The following PTX4 variants were observed in gnomAD, a reference collection of about 807,000 sequenced individuals.
PTX4 encodes pentraxin-4.
In PTX4, 23 loss-of-function variants were observed where a neutral mutation model predicts 19.1. The ratio of observed to expected loss-of-function variants is 1.20; its 90% CI spans 0.87 to 1.70. The LOEUF (loss-of-function observed/expected upper bound fraction) is 1.70, where lower values mean the gene tolerates loss of function less well. Among genes scored for constraint, PTX4 ranks in the 40% most tolerant of loss-of-function variants. The pLI is 0.00. For missense variants in PTX4, 678 were observed against 610.5 expected (o/e 1.11, Z -1.17); for synonymous variants, 317 against 279.6 (o/e 1.13, Z -1.33).
Position 1,487,824 on chromosome 16 carries a change from C to G in PTX4, c.288G>C (p.Ser96=), listed in dbSNP as rs142629286. The change falls in exon 2 of 3, where the codon TCG becomes TCC. Residue 96 remains serine (S), a synonymous_variant. Coordinates refer to ENST00000447419, the MANE Select transcript of PTX4 (RefSeq NM_001328608.2). ...VAQAVNRSQA[S]VQGELAQLKA... ...TGAGCTGCGCCAGCTCCCCCTGCAC[C>G]GAGGCCTGTGACCGGTTGACTGCCT... The G allele has an allele frequency of 6.2e-7, 1 of 1,613,034 alleles. No individual in the cohort carries two copies. The highest frequency in any genetic ancestry group is 8.5e-7 in the Non-Finnish European group (1 of 1,179,942).
Position 1,487,664 on chromosome 16 carries a change from G to GGGCGT in PTX4, c.443_447dup (p.Leu150ThrfsTer57), listed in dbSNP as rs747497123. The GGGCGT allele has an allele frequency of 1.1e-5, 17 of 1,601,202 alleles. No individual in the cohort carries two copies. In the South Asian group the frequency reaches 1.9e-4, roughly 18 times the overall value. ...TCCAGGCGTGCCAGTGAGTCCTGCA[G>GGGCGT]GGCGTCCCTCTGGGCCTTGTGTGCC... On this transcript the variant is annotated frameshift_variant, in exon 2 of 3. Transcript: ENST00000447419. LOFTEE classifies it high-confidence loss of function.
Position 1,487,570 on chromosome 16 carries a change from C to T in PTX4, c.542G>A (p.Gly181Asp). ...CAGGGCCGGCCCGAGGGCTGCAGTGCCAGGGTGGGCCACGGGCAGCCGCCC... is the reference window on the plus strand; with the variant it reads ...CAGGGCCGGCCCGAGGGCTGCAGTGTCAGGGTGGGCCACGGGCAGCCGCCC... ...LEGRLPVAHP[G>D]TAALGPALVP... The change falls in exon 2 of 3, where the codon GGC (glycine) becomes GAC (aspartate). Residue 181 changes from glycine (G) to aspartate (D), a missense_variant. Gly to Asp is a moderately conservative substitution (Grantham distance 94, BLOSUM62 -1). Coordinates refer to ENST00000447419, the MANE Select transcript of PTX4 (RefSeq NM_001328608.2). 6.5e-7 allele frequency: 1 copy of T among 1,545,440 alleles called. No homozygotes were observed. The highest frequency in any genetic ancestry group is 8.7e-7 in the Non-Finnish European group (1 of 1,146,096).
At position 1,488,820 on chromosome 16, in the gene PTX4, T is replaced by C. The variant is rs552968847; in HGVS notation, c.90A>G (p.Pro30=). The change falls in exon 1 of 3, where the codon CCA becomes CCG. Residue 30 remains proline, a synonymous_variant. Coordinates refer to ENST00000447419, the MANE Select transcript of PTX4 (RefSeq NM_001328608.2). ...CGAAAAACGGTTTCCTGGGCCCCAC[T>C]GGGGCGGCTTCCTGCGATGAAGCCC... The part of the protein sequence containing the change: ...LHGASSQEAA[P]VGPRKPFFER... 327 of 702,540 alleles carry C rather than the reference T, an allele frequency of 4.7e-4. 5 individuals are homozygous for C. The highest frequency in any genetic ancestry group is 3.4e-3 in the South Asian group (231 of 67,580). 43.5% of individuals were successfully genotyped at this position (702,540 alleles called of 1,614,324 possible).
At chr16:1,486,657 C>T (rs2039249332) in intron 2 of PTX4, 78 bp from the exon 3 acceptor site, 1 of 1,423,264 alleles carries the variant, frequency 7.0e-7, no homozygotes, top group Non-Finnish European at 9.4e-7. Context: ...GCTGTGGGTG[C>T]CTGGCCTCCC....
chr16:1,487,847 C>A lies in PTX4; in HGVS notation c.265G>T (p.Ala89Ser), dbSNP rs772466596. The A allele has an allele frequency of 9.3e-6, 15 of 1,613,138 alleles. 1 individual carries two copies. The South Asian group carries it at 1.6e-4, about 18-fold the overall frequency. The change falls in exon 2 of 3, where the codon GCA (alanine) becomes TCA (serine). Residue 89 changes from alanine to serine, a missense_variant. By Grantham distance (99) the Ala-to-Ser change is moderately conservative. Transcript: ENST00000447419. ...ACCGAGGCCTGTGACCGGTTGACTG[C>A]CTGAGCCACAGCCTGGCTCTCTTCC... The part of the protein sequence containing the change: ...LAEESQAVAQ[A>S]VNRSQASVQG...
At chr16:1,488,552 A>G (rs2039271769) in intron 1 of PTX4, 1 of 1,215,872 alleles carries the variant, frequency 8.2e-7, no homozygotes, top group Non-Finnish European at 1.2e-6. Context: ...TGACCCCCAC[A>G]TGTTATGAGG....
intron 2 of PTX4, among the ~76,000 whole-genome samples, chr16:1,486,909 G>T (rs984143048): frequency 3.3e-5 from 5 of 152,160 alleles, no homozygotes; most frequent in African/African-American, 1.2e-4. Context: ...ACTCACAACA[G>T]CGCAGGTTTA....
At chr16:1,488,374 G>C (rs780559425) in intron 1 of PTX4, 2 of 1,613,748 alleles carry the variant, frequency 1.2e-6, no homozygotes, top group African/African-American at 2.7e-5. Flanking sequence ...ACAGCACTCC[G>C]GAACTGTCCG....
chr16:1,487,512 G>A lies in PTX4; in HGVS notation c.600C>T (p.Gly200=). 6.6e-7 allele frequency: 1 copy of A among 1,512,224 alleles called. No homozygotes were observed. Among genetic ancestry groups the A allele is most frequent in the Non-Finnish European group, 8.8e-7 (1 of 1,131,722 alleles). The allele number at this position is 1,512,224 out of a possible 1,614,324, so 93.7% of individuals were successfully genotyped here. A position where few individuals can be genotyped will look rare whatever the true frequency, so the allele number is the denominator to read the frequency against. Residue 200 remains glycine (G), a synonymous_variant, in exon 2 of 3, where the codon GGC becomes GGT. Transcript: ENST00000447419. ...CCCTCTGAAGCTTCAGGGAGGTCGG[G>A]CCCAGCTCCTCAGGCTGGGTTGGGG... ...VPTPTQPEEL[G]PTSLKLQRDR...
chr16:1,486,099 C>T lies in PTX4; in HGVS notation c.1277G>A (p.Gly426Asp). 6.2e-7 allele frequency: 1 copy of T among 1,614,220 alleles called. No individual in the cohort carries two copies. The change falls in exon 3 of 3, where the codon GGC (glycine) becomes GAC (aspartate). Residue 426 changes from glycine to aspartate, a missense_variant. Physicochemically the swap from Gly to Asp is moderately conservative, Grantham distance 94. Coordinates refer to ENST00000447419, the MANE Select transcript of PTX4 (RefSeq NM_001328608.2). ...SSEAFVGSMS[G>D]LAIWDRALVP... ...CAGCGCCCGATCCCAGATAGCCAAG[C>T]CAGACATGCTCCCCACGAAGGCCTC...
intron 2 of PTX4, 141 bp downstream of exon 2, chr16:1,487,175 A>ACC: frequency 2.7e-6 from 2 of 750,096 alleles, no homozygotes; most frequent in Non-Finnish European, 3.8e-6. Flanking sequence ...ACGGTGGGCC[A>ACC]CCCCCCCCGA....
chr16:1,485,972 C>T lies in PTX4; in HGVS notation c.1404G>A (p.Gly468=), dbSNP rs1276987202. 5.6e-6 allele frequency: 9 copies of T among 1,610,902 alleles called. No homozygotes were observed. Among genetic ancestry groups the T allele is most frequent in the Non-Finnish European group, 7.6e-6 (9 of 1,179,684 alleles). ...AGCGTTCCAGGCAGGTGCAGTTGGC[C>T]CCCTGCACAAATCCGCCTGCTAGTG... ...NAALAGGFVQ[G]ANCTCLERCP The change falls in exon 3 of 3, where the codon GGG becomes GGA. Residue 468 remains glycine, a synonymous_variant. Transcript: ENST00000447419.
intron 2 of PTX4, 124 bp downstream of exon 2, chr16:1,487,192 G>A (rs916834009): frequency 9.4e-6 from 9 of 955,774 alleles, no homozygotes; most frequent in African/African-American, 5.1e-5. Flanking sequence ...CCGATGATCC[G>A]AGACCCTCTC....
intron 1 of PTX4, among the ~76,000 whole-genome samples, chr16:1,488,181 G>A (rs1035263992): frequency 3.3e-5 from 5 of 152,228 alleles, no homozygotes; most frequent in African/African-American, 1.2e-4. Context: ...GCTGCACCAC[G>A]TGGGGTGTGG....
In PTX4 at chr16:1,488,404, C is replaced by T. The variant is rs763643714; in HGVS notation, c.141+365G>A. 5.0e-6 allele frequency: 8 copies of T among 1,613,590 alleles called. No individual in the cohort carries two copies. The Admixed American group carries it at 5.0e-5, about 10-fold the overall frequency. ...TGTCCGTGGACCCCGCGTGGGAGTCCGGGAGGCCGTTCACACCGACTGCCA... is the reference window on the plus strand; with the variant it reads ...TGTCCGTGGACCCCGCGTGGGAGTCTGGGAGGCCGTTCACACCGACTGCCA... On this transcript the variant is annotated intron_variant, in intron 1 of 2. Coordinates refer to ENST00000447419, the MANE Select transcript of PTX4 (RefSeq NM_001328608.2).
intron 2 of PTX4, 81 bp from the exon 3 acceptor site, chr16:1,486,660 G>C: frequency 1.4e-6 from 2 of 1,407,700 alleles, no homozygotes; most frequent in Non-Finnish European, 1.9e-6. Context: ...GTGGGTGCCT[G>C]GCCTCCCACT....
At position 1,487,873 on chromosome 16, in the gene PTX4, G is replaced by A. The variant is rs7202502; in HGVS notation, c.239C>T (p.Ala80Val). ...CTGAGCCACAGCCTGGCTCTCTTCCGCCAGGCTCCGGAACCGGACGTCAAC... is the reference window on the plus strand; with the variant it reads ...CTGAGCCACAGCCTGGCTCTCTTCCACCAGGCTCCGGAACCGGACGTCAAC... ...YNVDVRFRSL[A>V]EESQAVAQAV... The change falls in exon 2 of 3, where the codon GCG (alanine) becomes GTG (valine). Residue 80 changes from alanine (A) to valine (V), a missense_variant. Physicochemically the swap from Ala to Val is moderately conservative, Grantham distance 64. Coordinates refer to ENST00000447419, the MANE Select transcript of PTX4 (RefSeq NM_001328608.2). 0.048 allele frequency: 77,131 copies of A among 1,612,936 alleles called. 4,465 individuals are homozygous for A. Among genetic ancestry groups the A allele is most frequent in the African/African-American group, 0.29 (21,647 of 74,996 alleles).
At position 1,487,676 on chromosome 16, in the gene PTX4, G is replaced by T. The variant is rs1191819858; in HGVS notation, c.436C>A (p.Gln146Lys). ...AGTGAGTCCTGCAGGGCGTCCCTCT[G>T]GGCCTTGTGTGCCTTCCTTTCCCGG... The part of the protein sequence containing the change: ...RARERKAHKA[Q>K]RDALQDSLAR... The change falls in exon 2 of 3, where the codon CAG (glutamine) becomes AAG (lysine). Residue 146 changes from glutamine (Q) to lysine (K), a missense_variant. Transcript: ENST00000447419. 1 of 1,608,304 alleles carries T rather than the reference G, an allele frequency of 6.2e-7. No homozygotes were observed. Among genetic ancestry groups the T allele is most frequent in the Admixed American group, 1.7e-5 (1 of 59,786 alleles).
rs1360516780 is a variant in PTX4, at chr16:1,487,802, G to C, written c.310C>G (p.Leu104Val). 1.2e-6 allele frequency: 2 copies of C among 1,612,912 alleles called. No homozygotes were observed. Among genetic ancestry groups the C allele is most frequent in the African/African-American group, 2.7e-5 (2 of 74,934 alleles). Residue 104 changes from leucine (L) to valine (V), a missense_variant, in exon 2 of 3, where the codon CTC becomes GTC. Physicochemically the swap from Leu to Val is conservative, Grantham distance 32 (BLOSUM62 1). Coordinates refer to ENST00000447419, the MANE Select transcript of PTX4 (RefSeq NM_001328608.2). ...TGCAGCTTCCTCACCCAGGCCTTGAGCTGCGCCAGCTCCCCCTGCACCGAG... is the reference window on the plus strand; with the variant it reads ...TGCAGCTTCCTCACCCAGGCCTTGACCTGCGCCAGCTCCCCCTGCACCGAG... ...QASVQGELAQ[L>V]KAWVRKLQRR...
Sources: allele counts gnomAD v4.1 joint callset (sites outside exome capture counted in the v4.1 genomes callset), GRCh38; gene constraint gnomAD v4.1.1; transcripts MANE v1.5; gene names NCBI Gene and HGNC (gene_info 2026-07-23, HGNC 2026-07-21).